Variants in PARP8 observed in about 807,000 individuals in gnomAD.
PARP8 encodes the protein protein mono-ADP-ribosyltransferase PARP8.
A neutral mutation model predicts 124.1 loss-of-function variants in PARP8; 51 were observed. That is an observed-to-expected ratio of 0.41 (90% CI 0.33 to 0.52). The LOEUF is 0.52. Ranked by LOEUF, PARP8 falls within the 20% of genes least tolerant of loss-of-function variation. PARP8 has a pLI of 0.21. For missense variants in PARP8, 860 were observed against 1,018.9 expected (o/e 0.84, Z 2.12); for synonymous variants, 391 against 361.5 (o/e 1.08, Z -0.93).
At chr5:50,721,563 T>G (rs1243167247) in intron 2 of PARP8, among the ~76,000 whole-genome samples, 1 of 152,098 alleles carries the variant, frequency 6.6e-6, no homozygotes, top group East Asian at 1.9e-4. Flanking sequence ...ACTTACTAAA[T>G]AACCGATTGT....
At chr5:50,691,481 A>G (rs1194938712) in intron 2 of PARP8, among the ~76,000 whole-genome samples, 1 of 152,100 alleles carries the variant, frequency 6.6e-6, no homozygotes, top group African/African-American at 2.4e-5. Context: ...TCTGATTCCT[A>G]GGCCCCTTTT....
intron 16 of PARP8, 152 bp from the exon 17 acceptor site, chr5:50,822,183 T>G: frequency 1.6e-6 from 1 of 626,946 alleles, no homozygotes; most frequent in African/African-American, 1.9e-5. Context: ...TATTATAGTC[T>G]TCCCTTTTAT....
intron 8 of PARP8, 29 bp downstream of exon 8, chr5:50,778,158 G>T: frequency 6.9e-7 from 1 of 1,442,192 alleles, no homozygotes; most frequent in Non-Finnish European, 9.6e-7. Flanking sequence ...TAATATGAAT[G>T]GTGCATTTAA....
chr5:50,718,455 G>A (rs766152634), intron 2 of PARP8, among the ~76,000 whole-genome samples: 6 of 151,736 alleles, frequency 4.0e-5, no homozygotes, highest in East Asian at 1.9e-4. Flanking sequence ...GTGTGTATAC[G>A]TGTGTGTATG....
intron 15 of PARP8, among the ~76,000 whole-genome samples, chr5:50,819,427 CTTTTTTTTTTTTTTT>C (rs34347134): frequency 1.2e-3 from 54 of 46,656 alleles, no homozygotes; most frequent in African/African-American, 4.1e-3. Context: ...ATTTTATCTT[CTTTTTTTTTTTTTTT>C]TTTTTTTTTT....
chr5:50,811,557 G>A (rs546538408), intron 14 of PARP8, among the ~76,000 whole-genome samples: 16 of 151,506 alleles, frequency 1.1e-4, no homozygotes, highest in African/African-American at 3.1e-4. Flanking sequence ...TCAATCTCGC[G>A]TAGTAAGATA....
At position 50,719,874 on chromosome 5, in the gene PARP8, T is replaced by A. The variant is rs923827460; in HGVS notation, c.147-30277T>A. On this transcript the variant is annotated intron_variant, in intron 2 of 25. Coordinates refer to ENST00000281631, the MANE Select transcript of PARP8 (RefSeq NM_024615.4). The stretch of plus-strand genomic sequence containing the variant: ...CACGCAGTACATCTTCAGAAATGAT[T>A]TTCATTATGAAAAGTCAAAGCCTAT... Among the ~76,000 whole-genome samples the A allele has an allele frequency of 3.3e-5, 5 of 152,186 alleles. No individual in the cohort carries two copies. The South Asian group carries it at 1.0e-3, about 32-fold the overall frequency.
intron 2 of PARP8, among the ~76,000 whole-genome samples, chr5:50,747,274 G>A (rs1479393453): frequency 2.0e-5 from 3 of 147,952 alleles, no homozygotes; most frequent in Non-Finnish European, 4.5e-5. Context: ...AGACTCAAAT[G>A]TCATAAGGGC....
At chr5:50,757,372 A>T (rs1256934888) in intron 3 of PARP8, among the ~76,000 whole-genome samples, 1 of 152,182 alleles carries the variant, frequency 6.6e-6, no homozygotes, top group East Asian at 1.9e-4. Flanking sequence ...GAATTCTGTC[A>T]AATAATTGAA....
In PARP8 at chr5:50,789,605, T is replaced by A. The variant is rs528035257; in HGVS notation, c.737+1016T>A. Among the ~76,000 whole-genome samples, 29 of 152,326 alleles carry A rather than the reference T, an allele frequency of 1.9e-4. No homozygotes were observed. The South Asian group carries it at 5.8e-3, about 30-fold the overall frequency. On this transcript the variant is annotated intron_variant, in intron 10 of 25. Coordinates refer to ENST00000281631, the MANE Select transcript of PARP8 (RefSeq NM_024615.4). ...TACGAAGACATAAAGCCACGCCATT[T>A]GAACTGAATTTTAAAATTTAGGCAC...
At chr5:50,830,819 C>CGT (rs10611893) in intron 22 of PARP8, among the ~76,000 whole-genome samples, 41,557 of 147,782 alleles carry the variant, frequency 0.28, 6,097 homozygotes, top group African/African-American at 0.4. Context: ...TGTGCTCATG[C>CGT]GTGTGTGTGT....
chr5:50,716,040 T>C (rs1008024842), intron 2 of PARP8, among the ~76,000 whole-genome samples: 19 of 152,106 alleles, frequency 1.2e-4, no homozygotes, highest in Admixed American at 9.8e-4. Context: ...CAAAATTTAC[T>C]GTGCTTTATC....
intron 2 of PARP8, among the ~76,000 whole-genome samples, chr5:50,717,430 A>AACAGATTTC: frequency 6.6e-6 from 1 of 152,056 alleles, no homozygotes; most frequent in African/African-American, 2.4e-5. Flanking sequence ...GTATGGGAAG[A>AACAGATTTC]ACAGATTTCA....
At chr5:50,801,823 A>G (rs900362299) in intron 14 of PARP8, among the ~76,000 whole-genome samples, 12 of 152,050 alleles carry the variant, frequency 7.9e-5, no homozygotes, top group Admixed American at 6.5e-5. Flanking sequence ...TATGTTTATA[A>G]GTGTTTTATC....
chr5:50,732,111 G>A (rs1388908183), intron 2 of PARP8, among the ~76,000 whole-genome samples: 1 of 152,188 alleles, frequency 6.6e-6, no homozygotes, highest in Non-Finnish European at 1.5e-5. Flanking sequence ...GTAATTAAAA[G>A]TTCAGATAAT....
intron 2 of PARP8, among the ~76,000 whole-genome samples, chr5:50,723,384 C>T (rs1310591569): frequency 6.6e-6 from 1 of 151,980 alleles, no homozygotes; most frequent in Admixed American, 6.6e-5. Flanking sequence ...AAACAGTTGC[C>T]TTCTCAAGAC....
intron 14 of PARP8, among the ~76,000 whole-genome samples, chr5:50,803,741 T>TAGC (rs1448724585): frequency 2.0e-5 from 3 of 152,200 alleles, no homozygotes; most frequent in Non-Finnish European, 4.4e-5. Context: ...CTTGAACGTT[T>TAGC]TAAGTATAGC....
intron 7 of PARP8, among the ~76,000 whole-genome samples, chr5:50,765,137 G>A (rs12519006): frequency 0.11 from 15,987 of 151,462 alleles, 882 homozygotes; most frequent in South Asian, 0.16. Flanking sequence ...GACAGGTGCC[G>A]GTAAACCCAG....
intron 15 of PARP8, among the ~76,000 whole-genome samples, chr5:50,820,718 C>T (rs1001698187): frequency 2.6e-5 from 4 of 152,220 alleles, no homozygotes; most frequent in Non-Finnish European, 4.4e-5. Context: ...TTCCTGACCC[C>T]GTACAGGTCT....
Sources: gnomAD v4.1 joint callset for allele counts (sites outside exome capture counted in the v4.1 genomes callset) on GRCh38, gnomAD v4.1.1 for gene constraint, MANE v1.5 for transcripts, NCBI Gene and HGNC (gene_info 2026-07-23, HGNC 2026-07-21) for gene names.